Variants in ST18 observed in about 807,000 individuals in gnomAD.
The protein encoded by ST18 is suppression of tumorigenicity 18 protein.
In ST18, 50 loss-of-function variants were observed where a neutral mutation model predicts 110.0. The observed-to-expected ratio is 0.45, with a 90% confidence interval of 0.36 to 0.58. The LOEUF (loss-of-function observed/expected upper bound fraction) is 0.58. ST18 is among the 20% of genes least tolerant of loss of function. The probability of loss-of-function intolerance (pLI) is 0.00; values close to 1 mark genes in which losing one functional copy is unlikely to be tolerated. For synonymous variants in ST18, 461 were observed against 452.4 expected, an observed-to-expected ratio of 1.02 and a Z score of -0.24; for missense variants, 1,306 against 1,280.1, an observed-to-expected ratio of 1.02 and a Z score of -0.31.
chr8:52,130,111 AAAGAAAGAAAAG>A (rs1225760145), intron 22 of ST18, among the ~76,000 whole-genome samples: 1 of 92,368 alleles, frequency 1.1e-5, no homozygotes, highest in African/African-American at 4.9e-5. Context: ...AGAAAGAAAG[AAAGAAAGAAAAG>A]AAAGAAAGAA....
At chr8:52,148,698 G>GGAGGA (rs1268984526) in intron 16 of ST18, among the ~76,000 whole-genome samples, 3 of 149,098 alleles carry the variant, frequency 2.0e-5, no homozygotes, top group Non-Finnish European at 4.4e-5. Context: ...GGGAAGGAGG[G>GGAGGA]GAGGAGGGGA....
chr8:52,193,908 T>G (rs1295725473), intron 8 of ST18, among the ~76,000 whole-genome samples: 1 of 152,206 alleles, frequency 6.6e-6, no homozygotes, highest in Non-Finnish European at 1.5e-5. Flanking sequence ...AATTGAAGCC[T>G]TCTCCTATTA....
intron 2 of ST18, among the ~76,000 whole-genome samples, chr8:52,364,949 A>G (rs1827231178): frequency 6.6e-6 from 1 of 152,086 alleles, no homozygotes; most frequent in Non-Finnish European, 1.5e-5. Flanking sequence ...CGTCTCTACT[A>G]AAAATACAAA....
intron 2 of ST18, among the ~76,000 whole-genome samples, chr8:52,281,176 C>T (rs2139145774): frequency 6.6e-6 from 1 of 152,144 alleles, no homozygotes; most frequent in African/African-American, 2.4e-5. Flanking sequence ...ATGTTCTCTA[C>T]TTAGGGATAA....
intron 23 of ST18, among the ~76,000 whole-genome samples, chr8:52,125,596 A>G (rs985725167): frequency 2.0e-5 from 3 of 151,934 alleles, no homozygotes; most frequent in Non-Finnish European, 4.4e-5. Context: ...GGTCTCTACA[A>G]TCCTCCTATC....
intron 2 of ST18, among the ~76,000 whole-genome samples, chr8:52,277,104 A>G (rs1589544950): frequency 1.3e-5 from 2 of 152,208 alleles, no homozygotes; most frequent in African/African-American, 4.8e-5. Context: ...TGTGTTGGAG[A>G]CCTCTTAGGT....
intron 22 of ST18, among the ~76,000 whole-genome samples, chr8:52,130,330 C>T (rs1487082555): frequency 6.6e-6 from 1 of 152,160 alleles, no homozygotes; most frequent in Non-Finnish European, 1.5e-5. Flanking sequence ...CTTGTTCTGT[C>T]ACCAGGCTTG....
At chr8:52,115,812 T>A (rs2042326148) in intron 25 of ST18, among the ~76,000 whole-genome samples, 1 of 152,154 alleles carries the variant, frequency 6.6e-6, no homozygotes, top group African/African-American at 2.4e-5. Context: ...TTATTTTATA[T>A]GAGGAGAACT....
At chr8:52,374,185 T>G (rs1831293167) in intron 2 of ST18, among the ~76,000 whole-genome samples, 1 of 152,184 alleles carries the variant, frequency 6.6e-6, no homozygotes, top group African/African-American at 2.4e-5. Flanking sequence ...TCTTTGCAGA[T>G]GTAATGGAGT....
chr8:52,178,579 T>C (rs2067853231), intron 9 of ST18, among the ~76,000 whole-genome samples: 1 of 123,634 alleles, frequency 8.1e-6, no homozygotes, highest in Admixed American at 1.1e-4. Context: ...ATCCCACCAT[T>C]GCACTCCAGC....
At chr8:52,117,951 C>G (rs979016845) in intron 24 of ST18, among the ~76,000 whole-genome samples, 6 of 152,176 alleles carry the variant, frequency 3.9e-5, no homozygotes, top group Non-Finnish European at 8.8e-5. Flanking sequence ...CTTACACATT[C>G]AGAGGTGTTC....
intron 8 of ST18, among the ~76,000 whole-genome samples, chr8:52,207,115 T>C (rs78746635): frequency 0.014 from 2,204 of 152,212 alleles, 47 homozygotes; most frequent in African/African-American, 0.048. Flanking sequence ...AATGAAATAA[T>C]ATAAAAGAAA....
At chr8:52,118,534 G>A in intron 23 of ST18, 93 bp from the exon 24 acceptor site, 3 of 681,748 alleles carry the variant, frequency 4.4e-6, no homozygotes, top group Non-Finnish European at 7.0e-6. Context: ...TTGAAAATGA[G>A]ACTTTCATTT....
At chr8:52,214,035 T>C (rs1305445107) in intron 7 of ST18, among the ~76,000 whole-genome samples, 168 bp downstream of exon 7, 1 of 152,200 alleles carries the variant, frequency 6.6e-6, no homozygotes, top group East Asian at 1.9e-4. Flanking sequence ...TCCTCGTTCA[T>C]AATATTTTGC....
chr8:52,371,081 G>A (rs758227184), intron 2 of ST18, among the ~76,000 whole-genome samples: 16 of 152,220 alleles, frequency 1.1e-4, no homozygotes, highest in Middle Eastern at 3.4e-3. Flanking sequence ...AATACTGTGC[G>A]GTGGTTTTAC....
intron 2 of ST18, among the ~76,000 whole-genome samples, chr8:52,280,835 CAG>C (rs1190815158): frequency 3.3e-5 from 5 of 151,962 alleles, no homozygotes; most frequent in Non-Finnish European, 5.9e-5. Flanking sequence ...AGACAAAAGT[CAG>C]TGAGGCTGCA....
chr8:52,205,071 T>A (rs1303720591), intron 8 of ST18, among the ~76,000 whole-genome samples: 3 of 150,442 alleles, frequency 2.0e-5, no homozygotes, highest in Admixed American at 2.0e-4. Flanking sequence ...TCCTTTGCAA[T>A]CACCATTTTA....
At chr8:52,157,048 G>A (rs1382336972) in intron 15 of ST18, among the ~76,000 whole-genome samples, 1 of 152,170 alleles carries the variant, frequency 6.6e-6, no homozygotes, top group East Asian at 1.9e-4. Context: ...GATGAGCTCC[G>A]TGGAGCAGTC....
chr8:52,409,808 C>G (rs912840647), upstream of ST18: 1 of 152,388 alleles, frequency 6.6e-6, no homozygotes, highest in East Asian at 1.9e-4. Flanking sequence ...TATTTACCAA[C>G]CGCACAAAGA....
Sources: gnomAD v4.1 joint callset for allele counts (sites outside exome capture counted in the v4.1 genomes callset) on GRCh38, gnomAD v4.1.1 for gene constraint, MANE v1.5 for transcripts, NCBI Gene and HGNC (gene_info 2026-07-23, HGNC 2026-07-21) for gene names.